Variants in NPC1L1 observed in about 807,000 individuals in gnomAD.
NPC1L1 encodes NPC1-like intracellular cholesterol transporter 1.
In NPC1L1, 98 loss-of-function variants were observed where a neutral mutation model predicts 117.0. The ratio of observed to expected loss-of-function variants is 0.84; its 90% CI spans 0.71 to 0.99. NPC1L1 has a LOEUF of 0.99. NPC1L1 is among the 50% of genes least tolerant of loss of function. NPC1L1 has a pLI of 0.00. For missense variants in NPC1L1, 1,540 were observed against 1,710.0 expected (o/e 0.90, Z 1.75); for synonymous variants, 729 against 727.6 (o/e 1.00, Z -0.03).
At chr7:44,530,638 A>G (rs950111894) in intron 10 of NPC1L1, among the ~76,000 whole-genome samples, 4 of 152,310 alleles carry the variant, frequency 2.6e-5, no homozygotes, top group African/African-American at 9.6e-5. Flanking sequence ...TAAACAAAAG[A>G]CATCAACATA....
At chr7:44,531,929 T>C (rs990547997) in intron 9 of NPC1L1, 85 bp from the exon 10 acceptor site, 2 of 1,523,330 alleles carry the variant, frequency 1.3e-6, no homozygotes, top group South Asian at 1.2e-5. Context: ...CAGGGTGTCA[T>C]GGGCAACATT....
Position 44,516,049 on chromosome 7 carries a change from G to A in NPC1L1, c.3633+35C>T, listed in dbSNP as rs778389218. On this transcript the variant is annotated intron_variant, in intron 17 of 18. Transcript: ENST00000381160. The stretch of plus-strand genomic sequence containing the variant: ...CATCAGGCAGGGCACAGGGTGTCGA[G>A]TGGGGCACAGGGTGGCCCACTCCTC... 9 of 1,607,198 alleles carry A rather than the reference G, an allele frequency of 5.6e-6. No individual in the cohort carries two copies. In the Middle Eastern group the frequency reaches 8.3e-4, roughly 147 times the overall value.
At chr7:44,525,764 G>GA (rs962243963) in intron 10 of NPC1L1, among the ~76,000 whole-genome samples, 4 of 151,686 alleles carry the variant, frequency 2.6e-5, no homozygotes, top group South Asian at 2.1e-4. Context: ...AGAAAATATT[G>GA]AAAAAAAAGA....
intron 14 of NPC1L1, chr7:44,518,603 A>C (rs1487413482): frequency 3.6e-6 from 2 of 562,002 alleles, no homozygotes; most frequent in African/African-American, 3.9e-5. Flanking sequence ...CAGGAGGTAG[A>C]GGTTGCAGTG....
At position 44,539,304 on chromosome 7, in the gene NPC1L1, C is replaced by T. The variant is rs759583713; in HGVS notation, c.1093G>A (p.Ala365Thr). ...ILVLSVIPVV[A>T]LAAGLVFTEL... is the part of the protein sequence containing the mutation. ...GTAAAGACCAGGCCCGCTGCCAAGG[C>T]CACCACCGGGATGACAGATAGCACC... The change falls in exon 2 of 19, where the codon GCC becomes ACC. Residue 365 changes from alanine to threonine, a missense_variant. By Grantham distance (58) the Ala-to-Thr change is moderately conservative (BLOSUM62 0). This residue lies in a region of NPC1L1 where 793 missense variants were observed against 820.4 expected (regional missense o/e 0.97). Transcript: ENST00000381160. This position sits in a 1 kb window ranked among gnomAD's most constrained non-coding sequence, Gnocchi z 4.4. 1 of 1,614,046 alleles carries T rather than the reference C, an allele frequency of 6.2e-7. No homozygotes were observed. The highest frequency in any genetic ancestry group is 1.1e-5 in the South Asian group (1 of 91,088).
rs73692150 is a variant in NPC1L1, at chr7:44,534,096, C to T, written c.2167-243G>A. On this transcript the variant is annotated intron_variant, in intron 6 of 18. Transcript: ENST00000381160. This position sits in a 1 kb window ranked among gnomAD's most constrained non-coding sequence, Gnocchi z 5.2. ...ATCCCTGTTCCAAGCACTGTTGGAA[C>T]CCTAATTGTTCACCAACAGGGAGAG... Among the ~76,000 whole-genome samples the T allele has an allele frequency of 0.019, 2,938 of 152,290 alleles. 101 individuals carry two copies. Among genetic ancestry groups the T allele is most frequent in the African/African-American group, 0.064 (2,641 of 41,544 alleles).
In NPC1L1 at chr7:44,513,393, C is replaced by A; in HGVS notation, c.*54G>T. On this transcript the variant is annotated 3_prime_UTR_variant, in exon 19 of 19. Transcript: ENST00000381160. ...GTCAAGGGGCAGTCACAAGGAAGAT[C>A]CCCATAACCCTTTGGTTCAGGGCCA... 6.5e-7 allele frequency: 1 copy of A among 1,540,732 alleles called. No individual in the cohort carries two copies.
At chr7:44,533,622 G>A in intron 7 of NPC1L1, 64 bp from the exon 8 acceptor site, 2 of 1,613,206 alleles carry the variant, frequency 1.2e-6, no homozygotes, top group Non-Finnish European at 1.7e-6. Context: ...AGCCGACATT[G>A]ACAGGGTGCA....
Position 44,533,867 on chromosome 7 carries a change from G to A in NPC1L1, c.2167-14C>T. On this transcript the variant is annotated splice_polypyrimidine_tract_variant and intron_variant, in intron 6 of 18. Transcript: ENST00000381160. ...CCGGGGCAGCCTCTGTGTGGGAACA[G>A]CAGGGATAAGAGCCAGGGCCCTCCA... The A allele has an allele frequency of 1.9e-6, 3 of 1,600,188 alleles. No homozygotes were observed. Among genetic ancestry groups the A allele is most frequent in the Non-Finnish European group, 1.7e-6 (2 of 1,172,502 alleles).
At chr7:44,530,819 T>G (rs1585141639) in intron 10 of NPC1L1, among the ~76,000 whole-genome samples, 1 of 152,128 alleles carries the variant, frequency 6.6e-6, no homozygotes, top group East Asian at 1.9e-4. Flanking sequence ...CAAAGTACAG[T>G]CCTGAGCCAT....
chr7:44,519,905 A>G, intron 14 of NPC1L1, among the ~76,000 whole-genome samples: 1 of 151,390 alleles, frequency 6.6e-6, no homozygotes, highest in Non-Finnish European at 1.5e-5. Flanking sequence ...TCCCAGACTC[A>G]GGCATTCTTC....
intron 10 of NPC1L1, among the ~76,000 whole-genome samples, chr7:44,524,447 G>A (rs1801447452): frequency 6.6e-6 from 1 of 152,106 alleles, no homozygotes; most frequent in South Asian, 2.1e-4. Context: ...AGACTTACTA[G>A]ACAAAGACTT....
Position 44,515,782 on chromosome 7 carries a change from G to A in NPC1L1, c.3796+21C>T, listed in dbSNP as rs368955866. On this transcript the variant is annotated intron_variant, in intron 18 of 18. Coordinates refer to ENST00000381160, the MANE Select transcript of NPC1L1 (RefSeq NM_001101648.2). ...TCAGCATAATCATGACAGTCTGGTA[G>A]GAACAGGCCTGGGCACTCACCCACG... The A allele has an allele frequency of 6.4e-4, 1,029 of 1,613,964 alleles. 1 individual carries two copies. The highest frequency in any genetic ancestry group is 8.5e-4 in the Non-Finnish European group (1,004 of 1,180,000).
Position 44,534,308 on chromosome 7 carries a change from A to G in NPC1L1, c.2166+139T>C. On this transcript the variant is annotated intron_variant, in intron 6 of 18. Coordinates refer to ENST00000381160, the MANE Select transcript of NPC1L1 (RefSeq NM_001101648.2). The surrounding 1 kb of genome is among the most constrained non-coding windows in gnomAD (Gnocchi z 5.2). ...TCAACACACTCTAGTTTCTACAGAT[A>G]TTGTAAACATGCGTGTCGATGAACA... 1 of 834,636 alleles carries G rather than the reference A, an allele frequency of 1.2e-6. No homozygotes were observed. The highest frequency in any genetic ancestry group is 2.1e-6 in the Non-Finnish European group (1 of 481,166). The allele number at this position is 834,636 out of a possible 1,614,324, so 51.7% of individuals were successfully genotyped here. A position where few individuals can be genotyped will look rare whatever the true frequency, so the allele number is the denominator to read the frequency against.
rs1801182167 is a variant in NPC1L1, at chr7:44,516,217, A to G, written c.3520-20T>C. On this transcript the variant is annotated intron_variant, in intron 16 of 18. Transcript: ENST00000381160. The stretch of plus-strand genomic sequence containing the variant: ...CACCGCCTATGGGCAGAGAGGGGGC[A>G]TAAGCCAAGAAAGGCAGAGGTGGGG... The G allele has an allele frequency of 6.3e-7, 1 of 1,579,942 alleles. No individual in the cohort carries two copies. Among genetic ancestry groups the G allele is most frequent in the Admixed American group, 1.8e-5 (1 of 54,136 alleles).
chr7:44,521,763 G>A lies in NPC1L1; in HGVS notation c.2902C>T (p.Arg968Cys), dbSNP rs748641132. 1.9e-5 allele frequency: 30 copies of A among 1,614,078 alleles called. No homozygotes were observed. Among genetic ancestry groups the A allele is most frequent in the Middle Eastern group, 1.6e-4 (1 of 6,082 alleles). The change falls in exon 12 of 19, where the codon CGC becomes TGC. Residue 968 changes from arginine (R) to cysteine (C), a missense_variant. Coordinates refer to ENST00000381160, the MANE Select transcript of NPC1L1 (RefSeq NM_001101648.2). ...TTATTGGGGCCAGATATATAAAGGC[G>A]GCAGCAGGAGGACGGGGTCAGCCAG... ...IDWLTPSSCC[R>C]LYISGPNKDK...
rs761094473 is a variant in NPC1L1, at chr7:44,534,558, G to A, written c.2055C>T (p.Gly685=). The stretch of plus-strand genomic sequence containing the variant: ...AGCGGATACCCAAGTAGGAGAAGAA[G>A]CCCATGGCAGCCATGACTGCTCCCA... ...VVLGAVMAAM[G]FFSYLGIRSS... Residue 685 remains glycine, a synonymous_variant, in exon 6 of 19, where the codon GGC becomes GGT. Coordinates refer to ENST00000381160, the MANE Select transcript of NPC1L1 (RefSeq NM_001101648.2). The surrounding 1 kb of genome is among the most constrained non-coding windows in gnomAD (Gnocchi z 5.2). 1 of 1,614,150 alleles carries A rather than the reference G, an allele frequency of 6.2e-7. No homozygotes were observed. The highest frequency in any genetic ancestry group is 8.5e-7 in the Non-Finnish European group (1 of 1,180,014).
Position 44,539,547 on chromosome 7 carries a change from T to C in NPC1L1, c.850A>G (p.Ser284Gly). Reference sequence around the variant, plus strand: ...CAGAGGATGATGATGAGGACCAGACTGCCCGGCATCTGGCCCAGGTAGAAG... The same window carrying C: ...CAGAGGATGATGATGAGGACCAGACCGCCCGGCATCTGGCCCAGGTAGAAG... ...STFYLGQMPG[S>G]LVLIIILCSV... is the part of the protein sequence containing the mutation. Residue 284 changes from serine to glycine, a missense_variant, in exon 2 of 19, where the codon AGT becomes GGT. Around this residue, in one of 3 missense-constraint regions of NPC1L1, gnomAD observed 793 missense variants for 820.4 expected, o/e 0.97. Coordinates refer to ENST00000381160, the MANE Select transcript of NPC1L1 (RefSeq NM_001101648.2). The surrounding 1 kb of genome is among the most constrained non-coding windows in gnomAD (Gnocchi z 4.4). 1 of 1,614,072 alleles carries C rather than the reference T, an allele frequency of 6.2e-7. No individual in the cohort carries two copies. The highest frequency in any genetic ancestry group is 8.5e-7 in the Non-Finnish European group (1 of 1,179,984).
chr7:44,515,601 G>T (rs1265856172), intron 18 of NPC1L1, among the ~76,000 whole-genome samples: 1 of 152,084 alleles, frequency 6.6e-6, no homozygotes, highest in Non-Finnish European at 1.5e-5. Context: ...GACATACATA[G>T]CTGACAAAAA....
Sources: allele counts gnomAD v4.1 joint callset (sites outside exome capture counted in the v4.1 genomes callset), GRCh38; gene constraint gnomAD v4.1.1; regional missense constraint gnomAD v4.1.1; non-coding constraint Gnocchi (gnomAD v3.1); transcripts MANE v1.5; gene names NCBI Gene and HGNC (gene_info 2026-07-23, HGNC 2026-07-21).